TDRD7: variants seen among roughly 807,000 people sequenced by gnomAD.
The protein encoded by TDRD7 is tudor domain-containing protein 7.
In TDRD7, 47 loss-of-function variants were observed where a neutral mutation model predicts 109.8. That is an observed-to-expected ratio of 0.43 (90% CI 0.34 to 0.55). The LOEUF (loss-of-function observed/expected upper bound fraction) is 0.55, where lower values mean the gene tolerates loss of function less well. TDRD7 is among the 20% of genes least tolerant of loss of function. TDRD7 has a pLI of 0.03. For synonymous variants in TDRD7, 424 were observed against 457.3 expected (o/e 0.93, Z 0.93); for missense variants, 1,164 against 1,319.2 (o/e 0.88, Z 1.82).
chr9:97,416,571 A>AG (rs1372308887), intron 1 of TDRD7, among the ~76,000 whole-genome samples: 3 of 152,210 alleles, frequency 2.0e-5, no homozygotes, highest in African/African-American at 7.2e-5. Context: ...CGGCCCTGAC[A>AG]GGGCCTAATC....
At position 97,428,668 on chromosome 9, in the gene TDRD7, G is replaced by C; in HGVS notation, c.203G>C (p.Gly68Ala). 2.5e-6 allele frequency: 4 copies of C among 1,613,434 alleles called. No homozygotes were observed. The highest frequency in any genetic ancestry group is 3.4e-6 in the Non-Finnish European group (4 of 1,179,844). ...AVVRIETSRS[G>A]EITCYAMACT... ...GTCAGGATAGAGACTAGTAGATCTG[G>C]AGAGGTAAGAAGGTAATTGTGCGTG... Residue 68 changes from glycine (G) to alanine (A), a missense_variant, in exon 2 of 17, where the codon GGA becomes GCA. This residue lies in a region of TDRD7 where 101 missense variants were observed against 148.5 expected (regional missense o/e 0.68). Transcript: ENST00000355295.
chr9:97,422,772 C>T (rs1468396954), intron 1 of TDRD7, among the ~76,000 whole-genome samples: 1 of 151,822 alleles, frequency 6.6e-6, no homozygotes, highest in African/African-American at 2.4e-5. Flanking sequence ...GTCTTTTTTT[C>T]ACCTATTGAT....
rs1344944173 is a variant in TDRD7, at chr9:97,493,670, G to A, written c.3077-1993G>A. ...TTTCCTCGTCCTAATAAGCCTGGGA[G>A]CACTACAGGAGACTGGGGCTTATTT... On this transcript the variant is annotated intron_variant, in intron 16 of 16. Coordinates refer to ENST00000355295, the MANE Select transcript of TDRD7 (RefSeq NM_014290.3). 3.3e-5 allele frequency among the ~76,000 whole-genome samples: 5 copies of A among 152,146 alleles called. No individual in the cohort carries two copies. In the South Asian group the frequency reaches 6.2e-4, roughly 19 times the overall value.
chr9:97,451,844 A>T (rs963719590), intron 6 of TDRD7, among the ~76,000 whole-genome samples: 6 of 152,102 alleles, frequency 3.9e-5, no homozygotes, highest in African/African-American at 1.4e-4. Flanking sequence ...CTGATATCCA[A>T]TGCAGAATTA....
intron 6 of TDRD7, among the ~76,000 whole-genome samples, chr9:97,458,740 G>A (rs867575517): frequency 3.3e-5 from 5 of 152,110 alleles, no homozygotes; most frequent in Admixed American, 2.0e-4. Flanking sequence ...TATTAATATC[G>A]TTCACTTCCT....
chr9:97,439,295 G>T lies in TDRD7; in HGVS notation c.614G>T (p.Arg205Ile). The change falls in exon 5 of 17, where the codon AGA becomes ATA. Residue 205 changes from arginine (R) to isoleucine (I), a missense_variant. This residue lies in a region of TDRD7 where 407 missense variants were observed against 394.0 expected (regional missense o/e 1.03). Coordinates refer to ENST00000355295, the MANE Select transcript of TDRD7 (RefSeq NM_014290.3). ...LQPPLQMHLS[R>I]TSTKEMSDNL... is the part of the protein sequence containing the mutation. ...CCACCTTTGCAGATGCATCTCTCAA[G>T]AACCTCTACTAAGGAAATGAGTGGT... The T allele has an allele frequency of 1.2e-6, 2 of 1,602,382 alleles. No individual in the cohort carries two copies. Among genetic ancestry groups the T allele is most frequent in the South Asian group, 1.1e-5 (1 of 90,970 alleles).
rs553184300 is a variant in TDRD7, at chr9:97,494,676, A to G, written c.3077-987A>G. 2.0e-5 allele frequency among the ~76,000 whole-genome samples: 3 copies of G among 148,276 alleles called. No homozygotes were observed. The Admixed American group carries it at 2.0e-4, about 10-fold the overall frequency. On this transcript the variant is annotated intron_variant, in intron 16 of 16. Coordinates refer to ENST00000355295, the MANE Select transcript of TDRD7 (RefSeq NM_014290.3). ...TATGTGGACTTAATTGTATTTCTTG[A>G]AATATGTATATATATATGTATATAT...
At chr9:97,449,523 T>C (rs1474870596) in intron 6 of TDRD7, among the ~76,000 whole-genome samples, 1 of 152,150 alleles carries the variant, frequency 6.6e-6, no homozygotes, top group East Asian at 1.9e-4. Context: ...ACAAAGGATA[T>C]TACAGAGGAT....
chr9:97,414,868 G>A (rs956078125), intron 1 of TDRD7, among the ~76,000 whole-genome samples: 1 of 152,114 alleles, frequency 6.6e-6, no homozygotes, highest in African/African-American at 2.4e-5. Flanking sequence ...TCATTTATTG[G>A]GTAAAGATCT....
chr9:97,451,313 C>G (rs1483740050), intron 6 of TDRD7, among the ~76,000 whole-genome samples: 1 of 151,966 alleles, frequency 6.6e-6, no homozygotes, highest in Non-Finnish European at 1.5e-5. Context: ...TTTTTAGAGA[C>G]AGGTTTTGCT....
intron 6 of TDRD7, among the ~76,000 whole-genome samples, chr9:97,459,371 T>G (rs1255019535): frequency 6.6e-6 from 1 of 152,214 alleles, no homozygotes; most frequent in Non-Finnish European, 1.5e-5. Flanking sequence ...TTTGAAAATA[T>G]AAAAATCATT....
At chr9:97,494,331 G>T (rs1423539819) in intron 16 of TDRD7, among the ~76,000 whole-genome samples, 2 of 152,178 alleles carry the variant, frequency 1.3e-5, no homozygotes, top group African/African-American at 2.4e-5. Context: ...ATTACATCTG[G>T]CCTTGACCTG....
chr9:97,478,484 G>A lies in TDRD7; in HGVS notation c.2212G>A (p.Asp738Asn), dbSNP rs371922427. 1.2e-6 allele frequency: 2 copies of A among 1,613,832 alleles called. No homozygotes were observed. The highest frequency in any genetic ancestry group is 1.7e-6 in the Non-Finnish European group (2 of 1,179,970). The change falls in exon 13 of 17, where the codon GAC becomes AAC. Residue 738 changes from aspartate (D) to asparagine (N), a missense_variant. Around this residue, in one of 5 missense-constraint regions of TDRD7, gnomAD observed 261 missense variants for 336.2 expected, o/e 0.78. Coordinates refer to ENST00000355295, the MANE Select transcript of TDRD7 (RefSeq NM_014290.3). ...CCGGGCTCTTGATGTTCAGTTCCTGGACTCTGGCACTGTGACATCTGTAAA... is the reference window on the plus strand; with the variant it reads ...CCGGGCTCTTGATGTTCAGTTCCTGAACTCTGGCACTGTGACATCTGTAAA... ...SSRALDVQFL[D>N]SGTVTSVKVS...
chr9:97,449,241 C>A (rs1828449967), intron 6 of TDRD7, among the ~76,000 whole-genome samples: 1 of 152,098 alleles, frequency 6.6e-6, no homozygotes, highest in Non-Finnish European at 1.5e-5. Context: ...GGGCGTTTTC[C>A]CCAGAAACCA....
intron 15 of TDRD7, among the ~76,000 whole-genome samples, chr9:97,485,052 T>G (rs1246764599): frequency 6.6e-6 from 1 of 152,250 alleles, no homozygotes; most frequent in Non-Finnish European, 1.5e-5. Context: ...CTGATTTTTT[T>G]AAAACTTCAT....
At chr9:97,439,192 T>C (rs1828252555) in intron 4 of TDRD7, 53 bp from the exon 5 acceptor site, 3 of 1,427,548 alleles carry the variant, frequency 2.1e-6, no homozygotes, top group Non-Finnish European at 1.9e-6. Context: ...TAAAACTTGG[T>C]ATAGACTTTG....
chr9:97,478,134 A>C (rs1829056139), intron 12 of TDRD7, among the ~76,000 whole-genome samples: 1 of 151,994 alleles, frequency 6.6e-6, no homozygotes, highest in Non-Finnish European at 1.5e-5. Flanking sequence ...GGTGGTGGGC[A>C]CCTGTAATCC....
At chr9:97,417,686 A>G (rs1263238869) in intron 1 of TDRD7, among the ~76,000 whole-genome samples, 1 of 152,212 alleles carries the variant, frequency 6.6e-6, no homozygotes, top group Non-Finnish European at 1.5e-5. Context: ...TGCGGAACAC[A>G]AGTAAAAGGA....
chr9:97,450,955 G>A (rs1352960140), intron 6 of TDRD7, among the ~76,000 whole-genome samples: 1 of 150,622 alleles, frequency 6.6e-6, no homozygotes, highest in African/African-American at 2.4e-5. Context: ...ACCCCTAGTA[G>A]CTTTAGGATG....
Sources: allele counts gnomAD v4.1 joint callset (sites outside exome capture counted in the v4.1 genomes callset), GRCh38; gene constraint gnomAD v4.1.1; regional missense constraint gnomAD v4.1.1; transcripts MANE v1.5; gene names NCBI Gene and HGNC (gene_info 2026-07-23, HGNC 2026-07-21).